Variants in EEF1AKMT2 observed in about 807,000 individuals in gnomAD.
The protein encoded by EEF1AKMT2 is EEF1A lysine methyltransferase 2.
EEF1AKMT2 carries 32 observed loss-of-function variants against 35.8 expected under a neutral mutation model. The observed-to-expected ratio is 0.89, with a 90% CI of 0.67 to 1.20. The LOEUF is 1.20. Among genes scored for constraint, EEF1AKMT2 ranks in the 50% most tolerant of loss-of-function variants. EEF1AKMT2 has a pLI of 0.00. For synonymous variants in EEF1AKMT2, 121 were observed against 133.7 expected, an observed-to-expected ratio of 0.91 and a Z score of 0.65; for missense variants, 330 against 347.5, an observed-to-expected ratio of 0.95 and a Z score of 0.40.
intron 6 of EEF1AKMT2, among the ~76,000 whole-genome samples, chr10:124,762,045 T>G (rs1249210567): frequency 6.6e-6 from 1 of 152,220 alleles, no homozygotes; most frequent in African/African-American, 2.4e-5. Context: ...TTTTCTAAAT[T>G]TTCATGCTTT....
chr10:124,767,513 A>G (rs1950389936), intron 4 of EEF1AKMT2, among the ~76,000 whole-genome samples: 1 of 146,374 alleles, frequency 6.8e-6, no homozygotes, highest in African/African-American at 2.5e-5. Flanking sequence ...CACTGCCTCA[A>G]AAAAAAAAAA....
chr10:124,790,998 T>C (rs2134148287), intron 1 of EEF1AKMT2, among the ~76,000 whole-genome samples: 1 of 152,108 alleles, frequency 6.6e-6, no homozygotes. Context: ...CTCCTGACCT[T>C]GTGCTCCGCC....
chr10:124,786,793 G>C (rs1950588365), intron 3 of EEF1AKMT2, among the ~76,000 whole-genome samples: 1 of 151,720 alleles, frequency 6.6e-6, no homozygotes, highest in South Asian at 2.1e-4. Flanking sequence ...CTGGGCTACA[G>C]AGTGAAACTC....
intron 3 of EEF1AKMT2, among the ~76,000 whole-genome samples, chr10:124,780,460 A>G (rs544595269): frequency 1.3e-5 from 2 of 152,374 alleles, no homozygotes; most frequent in South Asian, 4.1e-4. Flanking sequence ...CATGTCAGCC[A>G]ATTGCAATGT....
intron 5 of EEF1AKMT2, 33 bp downstream of exon 5, chr10:124,765,359 A>C: frequency 7.7e-6 from 12 of 1,555,298 alleles, no homozygotes; most frequent in Non-Finnish European, 1.1e-5. Context: ...AACCTGAGGT[A>C]AGCACACATT....
intron 4 of EEF1AKMT2, among the ~76,000 whole-genome samples, chr10:124,770,418 C>T (rs1950421203): frequency 6.6e-6 from 1 of 151,960 alleles, no homozygotes; most frequent in Non-Finnish European, 1.5e-5. Flanking sequence ...ACTCCATCCC[C>T]CACAAAAAAT....
rs1265604587 is a variant in EEF1AKMT2 at position 124,772,423 on chromosome 10, T to C, written c.399+2252A>G. Among the ~76,000 whole-genome samples, 33 of 80,328 alleles carry C rather than the reference T, an allele frequency of 4.1e-4. No individual in the cohort carries two copies. The East Asian group carries it at 4.3e-3, about 11-fold the overall frequency. The allele number at this position is 80,328 out of a possible 152,430, so 52.7% of individuals were successfully genotyped here. A position where few individuals can be genotyped will look rare whatever the true frequency, so the allele number is the denominator to read the frequency against. ...GGAGATGGCTTCTTTTCTTTTTCTT[T>C]TTTTTTTTTTTTTTTTTTTTTTTGA... On this transcript the variant is annotated intron_variant, in intron 4 of 6. Transcript: ENST00000368836.
chr10:124,771,376 G>A (rs1043478135), intron 4 of EEF1AKMT2, among the ~76,000 whole-genome samples: 1 of 151,564 alleles, frequency 6.6e-6, no homozygotes, highest in Non-Finnish European at 1.5e-5. Context: ...TAGGATTACA[G>A]GCGTGAGCCA....
At chr10:124,767,629 A>T (rs966404853) in intron 4 of EEF1AKMT2, among the ~76,000 whole-genome samples, 6 of 152,212 alleles carry the variant, frequency 3.9e-5, no homozygotes, top group African/African-American at 1.4e-4. Flanking sequence ...TGCCATGAAG[A>T]AAATAAAGCC....
At chr10:124,757,036 C>T (rs1231407382), downstream of EEF1AKMT2, among the ~76,000 whole-genome samples, 1 of 151,924 alleles carries the variant, frequency 6.6e-6, no homozygotes, top group Non-Finnish European at 1.5e-5. Context: ...AATTTTTTTC[C>T]CCACTATGCA....
chr10:124,765,614 T>C lies in EEF1AKMT2; in HGVS notation c.400-6A>G. On this transcript the variant is annotated splice_region_variant and splice_polypyrimidine_tract_variant and intron_variant, in intron 4 of 6. Transcript: ENST00000368836. The stretch of plus-strand genomic sequence containing the variant: ...AGATTCAAAAAGTCTTCTACCTATA[T>C]TAAAAGTCAATGTCTATGTGAGAAC... 1 of 1,608,122 alleles carries C rather than the reference T, an allele frequency of 6.2e-7. No individual in the cohort carries two copies.
intron 3 of EEF1AKMT2, among the ~76,000 whole-genome samples, chr10:124,780,129 G>A (rs1950528024): frequency 6.6e-6 from 1 of 152,148 alleles, no homozygotes; most frequent in South Asian, 2.1e-4. Flanking sequence ...TACAGTCTCT[G>A]TTACAACCAG....
chr10:124,762,363 T>C lies in EEF1AKMT2; in HGVS notation c.812A>G (p.Asp271Gly). 7.9e-7 allele frequency: 1 copy of C among 1,260,060 alleles called. No individual in the cohort carries two copies. Among genetic ancestry groups the C allele is most frequent in the Non-Finnish European group, 1.0e-6 (1 of 957,028 alleles). The allele number at this position is 1,260,060 out of a possible 1,614,324, so 78.1% of individuals were successfully genotyped here. The change falls in exon 6 of 7, where the codon GAT (aspartate) becomes GGT (glycine). Residue 271 changes from aspartate (D) to glycine (G), a missense_variant. Transcript: ENST00000368836. ...QAGLELLGSS[D>G]SPTWPPKVLG... ...CACTTTGGGAGGCCAGGTGGGAGAA[T>C]CACTTGAGCCCAGGAGTTCCAGACC... is the stretch of plus-strand genomic sequence containing the variant.
At chr10:124,773,582 AAAG>A (rs1950458110) in intron 4 of EEF1AKMT2, among the ~76,000 whole-genome samples, 1 of 152,264 alleles carries the variant, frequency 6.6e-6, no homozygotes, top group Non-Finnish European at 1.5e-5. Context: ...GTGTCCCAAG[AAAG>A]AAGGAGGCTT....
At chr10:124,779,677 G>T (rs1273878625) in intron 3 of EEF1AKMT2, among the ~76,000 whole-genome samples, 6 of 42,956 alleles carry the variant, frequency 1.4e-4, no homozygotes, top group Non-Finnish European at 2.5e-4. Flanking sequence ...GAACCTGGGA[G>T]GTGGAGCTTG....
chr10:124,788,630 G>C (rs978126626), intron 3 of EEF1AKMT2, among the ~76,000 whole-genome samples: 1 of 148,714 alleles, frequency 6.7e-6, no homozygotes, highest in African/African-American at 2.5e-5. Context: ...CAGTTCCATG[G>C]ACAAAATGCA....
intron 4 of EEF1AKMT2, among the ~76,000 whole-genome samples, chr10:124,766,853 C>T (rs960107222): frequency 6.6e-6 from 1 of 152,122 alleles, no homozygotes; most frequent in Non-Finnish European, 1.5e-5. Context: ...ACTTTTCAGA[C>T]CCTGGATATA....
At chr10:124,787,805 A>C (rs952793260) in intron 3 of EEF1AKMT2, among the ~76,000 whole-genome samples, 1 of 151,958 alleles carries the variant, frequency 6.6e-6, no homozygotes, top group Non-Finnish European at 1.5e-5. Flanking sequence ...GAGTTCTATA[A>C]TATTTTACAT....
At chr10:124,782,804 A>G (rs1007897265) in intron 3 of EEF1AKMT2, among the ~76,000 whole-genome samples, 1 of 116,326 alleles carries the variant, frequency 8.6e-6, no homozygotes. Context: ...CATGAGTGAA[A>G]CTCTGTCTCA....
Sources: allele counts gnomAD v4.1 joint callset (sites outside exome capture counted in the v4.1 genomes callset), GRCh38; gene constraint gnomAD v4.1.1; transcripts MANE v1.5; gene names NCBI Gene and HGNC (gene_info 2026-07-23, HGNC 2026-07-21).